The following ZNF696 variants were observed in gnomAD, a reference collection of about 807,000 sequenced individuals.
ZNF696 encodes zinc finger protein 696.
Under a neutral mutation model 12.3 loss-of-function variants are expected in ZNF696, and 10 were observed. The ratio of observed to expected loss-of-function variants is 0.81; its 90% CI spans 0.50 to 1.38. ZNF696 has a LOEUF of 1.38. Among genes scored for constraint, ZNF696 ranks in the 40% most tolerant of loss-of-function variants. The pLI, the probability that ZNF696 is intolerant of heterozygous loss-of-function variation, is 0.00. For missense variants in ZNF696, 675 were observed against 554.7 expected, an observed-to-expected ratio of 1.22 and a Z score of -2.18; for synonymous variants, 304 against 243.9, an observed-to-expected ratio of 1.25 and a Z score of -2.29.
intron 2 of ZNF696, 140 bp from the exon 3 acceptor site, chr8:143,295,600 C>T (rs767483183): frequency 1.0e-6 from 1 of 986,998 alleles, no homozygotes; most frequent in Non-Finnish European, 1.5e-6. Context: ...GAGGCGGGAA[C>T]TGAATGGGCA....
At chr8:143,292,439 G>GTTTTT (rs1815639227) in intron 1 of ZNF696, among the ~76,000 whole-genome samples, 1 of 101,142 alleles carries the variant, frequency 9.9e-6, no homozygotes, top group Non-Finnish European at 2.3e-5. Context: ...CTCCCTTTTT[G>GTTTTT]GTTTTTTTTT....
chr8:143,295,767 C>T lies in ZNF696; in HGVS notation c.92C>T (p.Ala31Val). The T allele has an allele frequency of 1.9e-6, 3 of 1,602,758 alleles. No individual in the cohort carries two copies. The highest frequency in any genetic ancestry group is 2.2e-5 in the East Asian group (1 of 44,578). Reference protein sequence around the residue: ...AAVKAAFLAQAPSGSRSAEVQ... With the variant: ...AAVKAAFLAQVPSGSRSAEVQ... ...GTGAAGGCTGCTTTCCTGGCGCAGG[C>T]CCCGAGTGGCAGCCGGTCAGCCGAG... is the stretch of plus-strand genomic sequence containing the variant. The change falls in exon 3 of 3, where the codon GCC becomes GTC. Residue 31 changes from alanine (A) to valine (V), a missense_variant. Coordinates refer to ENST00000330143, the MANE Select transcript of ZNF696 (RefSeq NM_030895.3).
At chr8:143,292,878 A>G in intron 1 of ZNF696, 94 bp from the exon 2 acceptor site, 1 of 1,095,794 alleles carries the variant, frequency 9.1e-7, no homozygotes, top group Non-Finnish European at 1.3e-6. Context: ...GCCTGTTCTG[A>G]CAGTTTCCTC....
At position 143,296,345 on chromosome 8, in the gene ZNF696, G is replaced by A. The variant is rs1586738397; in HGVS notation, c.670G>A (p.Ala224Thr). The A allele has an allele frequency of 6.3e-7, 1 of 1,590,374 alleles. No homozygotes were observed. ...CGKAFGQRSD[A>T]AKHRRTHTGE... ...CAAGGCCTTCGGCCAGAGGTCGGAC[G>A]CCGCCAAGCACCGCCGCACCCACAC... The change falls in exon 3 of 3, where the codon GCC (alanine) becomes ACC (threonine). Residue 224 changes from alanine to threonine, a missense_variant. Ala to Thr is a moderately conservative substitution (Grantham distance 58). Transcript: ENST00000330143.
At chr8:143,294,002 C>T (rs1396862547) in intron 2 of ZNF696, among the ~76,000 whole-genome samples, 1 of 152,148 alleles carries the variant, frequency 6.6e-6, no homozygotes, top group Non-Finnish European at 1.5e-5. Context: ...GCAGCTGGGA[C>T]TCAGCCGCTT....
chr8:143,296,195 G>A lies in ZNF696; in HGVS notation c.520G>A (p.Ala174Thr), dbSNP rs1452742423. ...CTCGCACGTGGTCCGGCACCAGCGG[G>A]CGCACAGCGGGGAGAGGCCCTACGC... ...HSSHVVRHQR[A>T]HSGERPYACA... is the part of the protein sequence containing the mutation. Residue 174 changes from alanine (A) to threonine (T), a missense_variant, in exon 3 of 3, where the codon GCG becomes ACG. Physicochemically the swap from Ala to Thr is moderately conservative, Grantham distance 58 (BLOSUM62 0). Transcript: ENST00000330143. 3 of 1,596,610 alleles carry A rather than the reference G, an allele frequency of 1.9e-6. No individual in the cohort carries two copies. The highest frequency in any genetic ancestry group is 2.2e-5 in the East Asian group (1 of 44,646).
At chr8:143,294,888 A>G (rs1815682292) in intron 2 of ZNF696, among the ~76,000 whole-genome samples, 1 of 152,084 alleles carries the variant, frequency 6.6e-6, no homozygotes, top group Admixed American at 6.5e-5. Context: ...CAGGAGTTCA[A>G]GACCAGCCTG....
At chr8:143,292,738 G>A (rs1815648111) in intron 1 of ZNF696, among the ~76,000 whole-genome samples, 2 of 152,174 alleles carry the variant, frequency 1.3e-5, no homozygotes, top group African/African-American at 4.8e-5. Context: ...AGGGGGACCC[G>A]CAGAGCCTGG....
rs1815742316 is a variant in ZNF696, at chr8:143,297,542, TG to T, written c.*745del. On this transcript the variant is annotated 3_prime_UTR_variant, in exon 3 of 3. Transcript: ENST00000330143. ...GCGTGCGCCTGTAATCTCAGCTACT[TG>T]GGAGCCTGGGGCAGGAGAATCACTT... 1 of 152,146 alleles carries T rather than the reference TG, an allele frequency of 6.6e-6. No individual in the cohort carries two copies. The highest frequency in any genetic ancestry group is 1.5e-5 in the Non-Finnish European group (1 of 68,058). The allele number at this position is 152,146 out of a possible 1,614,324, so 9.4% of individuals were successfully genotyped here. A position where few individuals can be genotyped will look rare whatever the true frequency, so the allele number is the denominator to read the frequency against.
chr8:143,291,656 G>A lies in ZNF696; in HGVS notation c.-142G>A, dbSNP rs1452015246. On this transcript the variant is annotated 5_prime_UTR_variant, in exon 1 of 3. Coordinates refer to ENST00000330143, the MANE Select transcript of ZNF696 (RefSeq NM_030895.3). ...ACGTGCGGGGCTTCCTGCGAGCTGA[G>A]TCCCCGCTGCGCGTCTTCAGGCCTT... 2.0e-6 allele frequency: 2 copies of A among 985,372 alleles called. No homozygotes were observed. The highest frequency in any genetic ancestry group is 3.5e-5 in the African/African-American group (2 of 57,264). 61.0% of individuals were successfully genotyped at this position (985,372 alleles called of 1,614,324 possible). A position where few individuals can be genotyped will look rare whatever the true frequency, so the allele number is the denominator to read the frequency against.
In ZNF696 at chr8:143,296,915, G is replaced by A; in HGVS notation, c.*115G>A. ...GAAGTAACAGCCGGCTGCGCGCCTG[G>A]TTCTCGGGTTGCGAAAGCCTCGCCA... is the stretch of plus-strand genomic sequence containing the variant. On this transcript the variant is annotated 3_prime_UTR_variant, in exon 3 of 3. Transcript: ENST00000330143. 2 of 1,067,582 alleles carry A rather than the reference G, an allele frequency of 1.9e-6. No individual in the cohort carries two copies. Among genetic ancestry groups the A allele is most frequent in the Non-Finnish European group, 2.5e-6 (2 of 805,800 alleles). 66.1% of individuals were successfully genotyped at this position (1,067,582 alleles called of 1,614,324 possible). A position where few individuals can be genotyped will look rare whatever the true frequency, so the allele number is the denominator to read the frequency against.
chr8:143,296,952 G>C lies in ZNF696; in HGVS notation c.*152G>C. On this transcript the variant is annotated 3_prime_UTR_variant, in exon 3 of 3. Coordinates refer to ENST00000330143, the MANE Select transcript of ZNF696 (RefSeq NM_030895.3). The stretch of plus-strand genomic sequence containing the variant: ...CGAAAGCCTCGCCAGGCCTGCATCC[G>C]CCTTGGCTTGGGAGCAATCAGGAGA... The C allele has an allele frequency of 5.5e-6, 4 of 727,642 alleles. No individual in the cohort carries two copies. Among genetic ancestry groups the C allele is most frequent in the Non-Finnish European group, 8.0e-6 (4 of 498,846 alleles). The allele number at this position is 727,642 out of a possible 1,614,324, so 45.1% of individuals were successfully genotyped here.
chr8:143,296,349 C>T lies in ZNF696; in HGVS notation c.674C>T (p.Ala225Val), dbSNP rs780213336. Residue 225 changes from alanine to valine, a missense_variant, in exon 3 of 3, where the codon GCC becomes GTC. Ala to Val is a moderately conservative substitution (Grantham distance 64). Coordinates refer to ENST00000330143, the MANE Select transcript of ZNF696 (RefSeq NM_030895.3). Reference sequence around the variant, plus strand: ...GCCTTCGGCCAGAGGTCGGACGCCGCCAAGCACCGCCGCACCCACACCGGG... The same window carrying T: ...GCCTTCGGCCAGAGGTCGGACGCCGTCAAGCACCGCCGCACCCACACCGGG... ...GKAFGQRSDA[A>V]KHRRTHTGER... 12 of 1,590,180 alleles carry T rather than the reference C, an allele frequency of 7.5e-6. No homozygotes were observed. In the East Asian group the frequency reaches 2.3e-4, roughly 30 times the overall value.
intron 2 of ZNF696, chr8:143,295,269 T>C: frequency 2.2e-6 from 1 of 449,366 alleles, no homozygotes; most frequent in Non-Finnish European, 4.4e-6. Context: ...TGCGTTTCTG[T>C]CCCCTCCCCT....
chr8:143,292,957 C>A lies in ZNF696; in HGVS notation c.-30-15C>A. Reference sequence around the variant, plus strand: ...CCTGGCTGTGATTTATTTTCCTTTTCTTTTACCTAAGCAGAAATTGTTCCA... The same window carrying A: ...CCTGGCTGTGATTTATTTTCCTTTTATTTTACCTAAGCAGAAATTGTTCCA... On this transcript the variant is annotated splice_polypyrimidine_tract_variant and intron_variant, in intron 1 of 2. Transcript: ENST00000330143. 6.2e-7 allele frequency: 1 copy of A among 1,607,180 alleles called. No homozygotes were observed. Among genetic ancestry groups the A allele is most frequent in the Non-Finnish European group, 8.5e-7 (1 of 1,176,952 alleles).
At position 143,296,715 on chromosome 8, in the gene ZNF696, A is replaced by G. The variant is rs1263597784; in HGVS notation, c.1040A>G (p.Lys347Arg). 15 of 1,552,910 alleles carry G rather than the reference A, an allele frequency of 9.7e-6. No individual in the cohort carries two copies. The highest frequency in any genetic ancestry group is 1.3e-5 in the Non-Finnish European group (15 of 1,158,500). Residue 347 changes from lysine to arginine, a missense_variant, in exon 3 of 3, where the codon AAG becomes AGG. Coordinates refer to ENST00000330143, the MANE Select transcript of ZNF696 (RefSeq NM_030895.3). The part of the protein sequence containing the change: ...FRHQRLHTGE[K>R]PFRCTECGRA... ...CACCAGCGACTCCACACGGGCGAGA[A>G]GCCGTTCCGCTGCACCGAGTGCGGC...
chr8:143,297,000 C>T lies in ZNF696; in HGVS notation c.*200C>T, dbSNP rs1336615364. 5.9e-6 allele frequency: 3 copies of T among 512,612 alleles called. No individual in the cohort carries two copies. The highest frequency in any genetic ancestry group is 9.5e-6 in the Non-Finnish European group (3 of 317,034). 31.8% of individuals were successfully genotyped at this position (512,612 alleles called of 1,614,324 possible). A position where few individuals can be genotyped will look rare whatever the true frequency, so the allele number is the denominator to read the frequency against. ...AGAGACAGGGCTCGGGGAAGGCGAG[C>T]GCTGCCCGCGGGAGGCGATTCCCAG... is the stretch of plus-strand genomic sequence containing the variant. On this transcript the variant is annotated 3_prime_UTR_variant, in exon 3 of 3. Coordinates refer to ENST00000330143, the MANE Select transcript of ZNF696 (RefSeq NM_030895.3).
Position 143,296,437 on chromosome 8 carries a change from G to C in ZNF696, c.762G>C (p.Arg254=). The C allele has an allele frequency of 6.2e-7, 1 of 1,605,890 alleles. No individual in the cohort carries two copies. The highest frequency in any genetic ancestry group is 8.5e-7 in the Non-Finnish European group (1 of 1,178,126). ...TCCTGCACAGCTCGAACGTGGTCCG[G>C]CACCGGCGGACCCACCACGGGGAGA... ...KRFLHSSNVV[R]HRRTHHGENP... Residue 254 remains arginine (R), a synonymous_variant, in exon 3 of 3, where the codon CGG becomes CGC. Transcript: ENST00000330143.
chr8:143,295,922 C>G lies in ZNF696; in HGVS notation c.247C>G (p.Pro83Ala). Residue 83 changes from proline to alanine, a missense_variant, in exon 3 of 3, where the codon CCC becomes GCC. By Grantham distance (27) the Pro-to-Ala change is conservative (BLOSUM62 -1). Coordinates refer to ENST00000330143, the MANE Select transcript of ZNF696 (RefSeq NM_030895.3). Reference sequence around the variant, plus strand: ...TGAAAACCAGGAAGCCAGAGAGAGGCCCGGAGGTTCCCCTCGAGGCCCGGT... The same window carrying G: ...TGAAAACCAGGAAGCCAGAGAGAGGGCCGGAGGTTCCCCTCGAGGCCCGGT... Reference protein sequence around the residue: ...LCENQEARERPGGSPRGPVTS... With the variant: ...LCENQEARERAGGSPRGPVTS... The G allele has an allele frequency of 6.4e-7, 1 of 1,561,460 alleles. No homozygotes were observed. Among genetic ancestry groups the G allele is most frequent in the South Asian group, 1.2e-5 (1 of 85,722 alleles).
Sources: allele counts gnomAD v4.1 joint callset (sites outside exome capture counted in the v4.1 genomes callset), GRCh38; gene constraint gnomAD v4.1.1; transcripts MANE v1.5; gene names NCBI Gene and HGNC (gene_info 2026-07-23, HGNC 2026-07-21).